Variants in CLDN5 observed in about 807,000 individuals in gnomAD.
The protein encoded by CLDN5 is claudin 5, also known as claudin-5.
In CLDN5, 4 loss-of-function variants were observed where a neutral mutation model predicts 1.3. The ratio of observed to expected loss-of-function variants is 3.07; its 90% CI spans 1.51 to 7.03. The LOEUF (loss-of-function observed/expected upper bound fraction) is 7.03. Among genes scored for constraint, CLDN5 ranks in the 30% most tolerant of loss-of-function variants. CLDN5 has a pLI of 0.00. For missense variants in CLDN5, 225 were observed against 303.5 expected, an observed-to-expected ratio of 0.74 and a Z score of 1.92; for synonymous variants, 156 against 152.3, an observed-to-expected ratio of 1.02 and a Z score of -0.18.
Position 19,523,571 on chromosome 22 carries a change from A to G in CLDN5, c.*28T>C, listed in dbSNP as rs1934154021. The stretch of plus-strand genomic sequence containing the variant: ...CCAACGCCTCGCAGGCGTGGCTGGC[A>G]GGAGGGGCCCGGCCGTGCCCAGCGC... On this transcript the variant is annotated 3_prime_UTR_variant, in exon 1 of 1. Coordinates refer to ENST00000618236, the MANE Select transcript of CLDN5 (RefSeq NM_001363066.2). 9.8e-6 allele frequency: 15 copies of G among 1,529,610 alleles called. No homozygotes were observed. Among genetic ancestry groups the G allele is most frequent in the Non-Finnish European group, 1.3e-5 (15 of 1,145,116 alleles). 94.8% of individuals were successfully genotyped at this position (1,529,610 alleles called of 1,614,324 possible). A position where few individuals can be genotyped will look rare whatever the true frequency, so the allele number is the denominator to read the frequency against.
At position 19,523,845 on chromosome 22, in the gene CLDN5, G is replaced by A. The variant is rs112469158; in HGVS notation, c.411C>T (p.Cys137=). The part of the protein sequence containing the change: ...FCGLLALVPL[C]WFANIVVREF... ...CGCGGACGACAATGTTGGCGAACCA[G>A]CAGAGTGGCACGAGCGCCAGCAGCC... The change falls in exon 1 of 1, where the codon TGC becomes TGT. Residue 137 remains cysteine (C), a synonymous_variant. Coordinates refer to ENST00000618236, the MANE Select transcript of CLDN5 (RefSeq NM_001363066.2). 2.5e-6 allele frequency: 4 copies of A among 1,610,330 alleles called. No homozygotes were observed. Among genetic ancestry groups the A allele is most frequent in the African/African-American group, 1.3e-5 (1 of 75,018 alleles).
chr22:19,524,263 G>A lies in CLDN5; in HGVS notation c.-8C>T. ...CAACGCTGCGGACCCCATGGCTAGAGGCGAGACGCGCACCCGAAGGCCCGC... is the reference window on the plus strand; with the variant it reads ...CAACGCTGCGGACCCCATGGCTAGAAGCGAGACGCGCACCCGAAGGCCCGC... On this transcript the variant is annotated 5_prime_UTR_variant, in exon 1 of 1. Coordinates refer to ENST00000618236, the MANE Select transcript of CLDN5 (RefSeq NM_001363066.2). 1.3e-6 allele frequency: 2 copies of A among 1,562,752 alleles called. No individual in the cohort carries two copies. Among genetic ancestry groups the A allele is most frequent in the South Asian group, 1.2e-5 (1 of 85,740 alleles).
upstream of CLDN5, chr22:19,524,808 C>T: frequency 2.5e-6 from 3 of 1,213,618 alleles, no homozygotes; most frequent in Non-Finnish European, 3.1e-6. Context: ...GAGCCAGCTC[C>T]ACTTCCCTGA....
Position 19,523,788 on chromosome 22 carries a change from C to T in CLDN5, c.468G>A (p.Gln156=). The T allele has an allele frequency of 6.2e-7, 1 of 1,606,360 alleles. No individual in the cohort carries two copies. Among genetic ancestry groups the T allele is most frequent in the Non-Finnish European group, 8.5e-7 (1 of 1,177,082 alleles). The change falls in exon 1 of 1, where the codon CAG becomes CAA. Residue 156 remains glutamine (Q), a synonymous_variant. Transcript: ENST00000618236. ...ACAGCGCTGCGCCCAGCTCGTACTT[C>T]TGCGACACGGGCACAGACGGGTCGT... ...EFYDPSVPVS[Q]KYELGAALYI... is the part of the protein sequence containing the mutation.
Position 19,524,014 on chromosome 22 carries a change from C to A in CLDN5, c.242G>T (p.Arg81Leu). The change falls in exon 1 of 1, where the codon CGG becomes CTG. Residue 81 changes from arginine to leucine, a missense_variant. By Grantham distance (102) the Arg-to-Leu change is moderately radical. Coordinates refer to ENST00000618236, the MANE Select transcript of CLDN5 (RefSeq NM_001363066.2). ...LALSTEVQAA[R>L]ALTVSAVLLA... ...CAGCACGGCGCTCACGGTGAGCGCC[C>A]GCGCCGCCTGCACCTCGGTGCTCAG... 6.3e-7 allele frequency: 1 copy of A among 1,594,100 alleles called. No individual in the cohort carries two copies.
upstream of CLDN5, chr22:19,524,756 C>T (rs929735263): frequency 7.4e-5 from 93 of 1,260,012 alleles, no homozygotes; most frequent in Non-Finnish European, 8.1e-5. Flanking sequence ...CCACCCAGTC[C>T]ACTCCCACAT....
rs777710932 is a variant in CLDN5, at chr22:19,524,246, C to T, written c.10G>A (p.Ala4Thr). The T allele has an allele frequency of 4.4e-6, 7 of 1,580,038 alleles. No homozygotes were observed. The African/African-American group carries it at 5.4e-5, about 12-fold the overall frequency. Residue 4 changes from alanine to threonine, a missense_variant, in exon 1 of 1, where the codon GCA becomes ACA. Ala to Thr is a moderately conservative substitution (Grantham distance 58). Coordinates refer to ENST00000618236, the MANE Select transcript of CLDN5 (RefSeq NM_001363066.2). MGS[A>T]ALEILGLVLC... ...ACCAGGCCCAGGATCTCCAACGCTGCGGACCCCATGGCTAGAGGCGAGACG... is the reference window on the plus strand; with the variant it reads ...ACCAGGCCCAGGATCTCCAACGCTGTGGACCCCATGGCTAGAGGCGAGACG...
chr22:19,525,173 G>T, upstream of CLDN5: 23 of 1,000,548 alleles, frequency 2.3e-5, no homozygotes, highest in Non-Finnish European at 2.8e-5. Flanking sequence ...CTTCACAGGG[G>T]CTGCTCCTCT....
At chr22:19,524,440 G>A, upstream of CLDN5, 1 of 1,442,146 alleles carries the variant, frequency 6.9e-7, no homozygotes, top group Non-Finnish European at 9.1e-7. Flanking sequence ...CCTCTTTGAA[G>A]GTTCGGGGGC....
upstream of CLDN5, chr22:19,524,514 G>T (rs1267797885): frequency 1.4e-6 from 2 of 1,411,258 alleles, no homozygotes; most frequent in Non-Finnish European, 1.8e-6. Context: ...GGGTCATCGT[G>T]CCGCAGCCAA....
rs771193724 is a variant in CLDN5, at chr22:19,523,859, G to A, written c.397C>T (p.Leu133Phe). The A allele has an allele frequency of 6.2e-7, 1 of 1,610,256 alleles. No homozygotes were observed. The highest frequency in any genetic ancestry group is 8.5e-7 in the Non-Finnish European group (1 of 1,179,280). ...TTGGCGAACCAGCAGAGTGGCACGA[G>A]CGCCAGCAGCCCGCAAAACAGGTAG... is the stretch of plus-strand genomic sequence containing the variant. ...VLYLFCGLLA[L>F]VPLCWFANIV... The change falls in exon 1 of 1, where the codon CTC becomes TTC. Residue 133 changes from leucine (L) to phenylalanine (F), a missense_variant. Physicochemically the swap from Leu to Phe is conservative, Grantham distance 22. Transcript: ENST00000618236.
upstream of CLDN5, chr22:19,524,862 C>A (rs1934197048): frequency 1.8e-6 from 2 of 1,121,050 alleles, no homozygotes; most frequent in Non-Finnish European, 2.2e-6. Context: ...GCCGTAGAGG[C>A]CCTCGTAGGG....
rs1034363790 is a variant in CLDN5 at position 19,524,365 on chromosome 22, C to T, written c.-110G>A. Reference sequence around the variant, plus strand: ...TGCGCCCGCGCTCCCGGCTCTTGGCCCCAGTCCGTTTGCCCCGCGGGTCTG... The same window carrying T: ...TGCGCCCGCGCTCCCGGCTCTTGGCTCCAGTCCGTTTGCCCCGCGGGTCTG... On this transcript the variant is annotated 5_prime_UTR_variant, in exon 1 of 1. Coordinates refer to ENST00000618236, the MANE Select transcript of CLDN5 (RefSeq NM_001363066.2). The T allele has an allele frequency of 2.0e-6, 3 of 1,475,166 alleles. No homozygotes were observed. The highest frequency in any genetic ancestry group is 2.7e-6 in the Non-Finnish European group (3 of 1,112,278). 91.4% of individuals were successfully genotyped at this position (1,475,166 alleles called of 1,614,324 possible).
upstream of CLDN5, chr22:19,524,630 C>A (rs1194399108): frequency 1.8e-5 from 24 of 1,351,630 alleles, no homozygotes; most frequent in Non-Finnish European, 2.2e-5. Flanking sequence ...CCCCACCCGC[C>A]GTTGTCCTAG....
At position 19,523,247 on chromosome 22, in the gene CLDN5, T is replaced by G. The variant is rs1311873820; in HGVS notation, c.*352A>C. On this transcript the variant is annotated 3_prime_UTR_variant, in exon 1 of 1. Transcript: ENST00000618236. ...GGGCTCTGCATCCGCCCCTCCGAAG[T>G]CAGCAGGAGCCTCTGGGAAGTAAGG... 1 of 252,600 alleles carries G rather than the reference T, an allele frequency of 4.0e-6. No individual in the cohort carries two copies. Among genetic ancestry groups the G allele is most frequent in the Non-Finnish European group, 7.4e-6 (1 of 134,528 alleles). 15.6% of individuals were successfully genotyped at this position (252,600 alleles called of 1,614,324 possible).
chr22:19,524,932 T>G, upstream of CLDN5: 4 of 1,032,154 alleles, frequency 3.9e-6, no homozygotes, highest in Non-Finnish European at 4.7e-6. Context: ...TCTCGCACTC[T>G]CACTCTCCAG....
At chr22:19,525,236 A>C, upstream of CLDN5, 1 of 1,000,418 alleles carries the variant, frequency 1.0e-6, no homozygotes, top group Non-Finnish European at 1.2e-6. Context: ...AGGTGACACC[A>C]CTTCAGGAAG....
rs1328955714 is a variant in CLDN5 at position 19,523,411 on chromosome 22, GAGA to G, written c.*185_*187del. 8.2e-6 allele frequency: 6 copies of G among 735,210 alleles called. No individual in the cohort carries two copies. The highest frequency in any genetic ancestry group is 4.1e-5 in the South Asian group (2 of 48,676). 45.5% of individuals were successfully genotyped at this position (735,210 alleles called of 1,614,324 possible). A position where few individuals can be genotyped will look rare whatever the true frequency, so the allele number is the denominator to read the frequency against. On this transcript the variant is annotated 3_prime_UTR_variant, in exon 1 of 1. Coordinates refer to ENST00000618236, the MANE Select transcript of CLDN5 (RefSeq NM_001363066.2). ...AAGGGCAGGGCCGGGCTAGTGGCAG[GAGA>G]AGGTCAGCTGCGGGCGCAGGCAGGA...
chr22:19,524,557 A>G, upstream of CLDN5: 1 of 1,383,880 alleles, frequency 7.2e-7, no homozygotes, highest in African/African-American at 1.5e-5. Context: ...AGTTAGGGAA[A>G]CAACGGCTCT....
Sources: gnomAD v4.1 joint callset for allele counts on GRCh38, gnomAD v4.1.1 for gene constraint, MANE v1.5 for transcripts, NCBI Gene and HGNC (gene_info 2026-07-23, HGNC 2026-07-21) for gene names.